Variants in PCDHGA4 observed in about 807,000 individuals in gnomAD.
The protein encoded by PCDHGA4 is protocadherin gamma-A4.
PCDHGA4 carries 38 observed loss-of-function variants against 54.6 expected under a neutral mutation model. That is an observed-to-expected ratio of 0.70 (90% confidence interval 0.54 to 0.91). The LOEUF is 0.91. Among genes scored for constraint, PCDHGA4 ranks in the 40% least tolerant of loss-of-function variants. PCDHGA4 has a pLI of 0.00. For synonymous variants in PCDHGA4, 511 were observed against 512.9 expected, an observed-to-expected ratio of 1.00 and a Z score of 0.05; for missense variants, 1,298 against 1,220.9, an observed-to-expected ratio of 1.06 and a Z score of -0.94.
chr5:141,491,316 T>C lies in PCDHGA4; in HGVS notation c.2515-3491T>C. The C allele has an allele frequency of 3.1e-6, 5 of 1,614,176 alleles. No homozygotes were observed. The highest frequency in any genetic ancestry group is 3.4e-6 in the Non-Finnish European group (4 of 1,180,004). ...CTCCTGAGCGTTCAGACCTTACCCT[T>C]TACCTCATTGTGGCTCTAGCGACCG... is the stretch of plus-strand genomic sequence containing the variant. On this transcript the variant is annotated intron_variant, in intron 1 of 3. Coordinates refer to ENST00000571252, the MANE Select transcript of PCDHGA4 (RefSeq NM_018917.4). The surrounding 1 kb of genome is among the most constrained non-coding windows in gnomAD (Gnocchi z 6.9).
intron 1 of PCDHGA4, among the ~76,000 whole-genome samples, chr5:141,358,994 G>A (rs1588537636): frequency 6.6e-6 from 1 of 152,222 alleles, no homozygotes; most frequent in Admixed American, 6.5e-5. Context: ...GAATGCATAT[G>A]CTTACACAAA....
intron 1 of PCDHGA4, among the ~76,000 whole-genome samples, chr5:141,474,747 A>AGACAAATAT (rs1447050692): frequency 6.6e-6 from 1 of 152,264 alleles, no homozygotes; most frequent in African/African-American, 2.4e-5. Context: ...GTGATGTCCA[A>AGACAAATAT]GACAAATATA....
chr5:141,393,206 A>G (rs774279389), intron 1 of PCDHGA4: 2 of 1,613,588 alleles, frequency 1.2e-6, no homozygotes, highest in Non-Finnish European at 1.7e-6. Flanking sequence ...ATAATAACCC[A>G]AAATTCCAGG....
chr5:141,469,704 C>T (rs1038504640), intron 1 of PCDHGA4, among the ~76,000 whole-genome samples: 9 of 152,340 alleles, frequency 5.9e-5, no homozygotes, highest in African/African-American at 1.9e-4. Flanking sequence ...ACCTAGTAAT[C>T]ACACTATTAG....
chr5:141,362,447 C>G (rs769703158), intron 1 of PCDHGA4: 1 of 1,614,048 alleles, frequency 6.2e-7, no homozygotes, highest in Non-Finnish European at 8.5e-7. Flanking sequence ...CTGAACATAA[C>G]CCCGGAATTG....
chr5:141,464,483 C>G (rs192469583), intron 1 of PCDHGA4, among the ~76,000 whole-genome samples: 32 of 151,368 alleles, frequency 2.1e-4, no homozygotes, highest in African/African-American at 7.3e-4. Flanking sequence ...ATAATAAATT[C>G]CTAATAGTGT....
intron 1 of PCDHGA4, chr5:141,383,837 C>G: frequency 6.2e-7 from 1 of 1,613,886 alleles, no homozygotes; most frequent in Non-Finnish European, 8.5e-7. Flanking sequence ...GAAGAAACTG[C>G]CTTCTATGAA....
At chr5:141,468,995 T>G (rs533843461) in intron 1 of PCDHGA4, among the ~76,000 whole-genome samples, 1 of 147,628 alleles carries the variant, frequency 6.8e-6, no homozygotes, top group Non-Finnish European at 1.5e-5. Context: ...TTATTGTTTT[T>G]GCTGGGTGCG....
At chr5:141,385,018 T>TTCGTCC in intron 1 of PCDHGA4, 1 of 1,614,144 alleles carries the variant, frequency 6.2e-7, no homozygotes, top group Non-Finnish European at 8.5e-7. Flanking sequence ...CTTCCTAGCC[T>TTCGTCC]TCGTCCTCGT....
intron 1 of PCDHGA4, chr5:141,375,571 C>A (rs760580799): frequency 2.5e-6 from 4 of 1,613,962 alleles, no homozygotes; most frequent in Non-Finnish European, 3.4e-6. Context: ...AAGACACCCT[C>A]CAGGGGGCGC....
rs187177915 is a variant in PCDHGA4 at position 141,472,338 on chromosome 5, G to A, written c.2515-22469G>A. ...AGGCAGATCACGAGGTTGGGAGATC[G>A]AGACCATCCTGGCTAACACGGTGAA... On this transcript the variant is annotated intron_variant, in intron 1 of 3. Transcript: ENST00000571252. Among the ~76,000 whole-genome samples, 23 of 151,526 alleles carry A rather than the reference G, an allele frequency of 1.5e-4. No homozygotes were observed. The East Asian group carries it at 3.2e-3, about 21-fold the overall frequency.
intron 1 of PCDHGA4, chr5:141,419,426 G>C: frequency 6.2e-7 from 1 of 1,613,312 alleles, no homozygotes; most frequent in Non-Finnish European, 8.5e-7. Flanking sequence ...CTTCGACCAC[G>C]AGCAGCTGCG....
In PCDHGA4 at chr5:141,399,480, G is replaced by T. The variant is rs760135566; in HGVS notation, c.2514+41859G>T. ...ATAACGCTCCGGTTTTCCACCAGGC[G>T]TCCTACTTAGTCAGTGTACCCGAAA... On this transcript the variant is annotated intron_variant, in intron 1 of 3. Coordinates refer to ENST00000571252, the MANE Select transcript of PCDHGA4 (RefSeq NM_018917.4). The T allele has an allele frequency of 1.9e-5, 31 of 1,613,886 alleles. No homozygotes were observed. In the South Asian group the frequency reaches 3.2e-4, roughly 17 times the overall value.
intron 1 of PCDHGA4, chr5:141,360,416 A>G: frequency 6.2e-7 from 1 of 1,614,014 alleles, no homozygotes; most frequent in Non-Finnish European, 8.5e-7. Context: ...GACCGAGAAC[A>G]GATATGCGGG....
chr5:141,428,114 C>T (rs2097111703), intron 1 of PCDHGA4: 1 of 1,607,084 alleles, frequency 6.2e-7, no homozygotes, highest in Admixed American at 1.7e-5. Context: ...TGCAGGCCAT[C>T]GAGCCCGGGC....
rs2097438776 is a variant in PCDHGA4 at position 141,432,018 on chromosome 5, T to C, written c.2515-62789T>C. Reference sequence around the variant, plus strand: ...AGGGAACAGGTTCCTAGCTACAACATCACAGTGACCGCCACTGACCGGGGA... The same window carrying C: ...AGGGAACAGGTTCCTAGCTACAACACCACAGTGACCGCCACTGACCGGGGA... On this transcript the variant is annotated intron_variant, in intron 1 of 3. Transcript: ENST00000571252. This position sits in a 1 kb window ranked among gnomAD's most constrained non-coding sequence, Gnocchi z 6.0. 1.9e-6 allele frequency: 3 copies of C among 1,614,048 alleles called. No homozygotes were observed. In the South Asian group the frequency reaches 3.3e-5, roughly 18 times the overall value.
intron 1 of PCDHGA4, chr5:141,419,822 T>A: frequency 6.2e-7 from 1 of 1,614,058 alleles, no homozygotes; most frequent in Non-Finnish European, 8.5e-7. Flanking sequence ...GCCACCCCTT[T>A]CAGCCACTGC....
At chr5:141,452,673 G>A (rs2098746812) in intron 1 of PCDHGA4, among the ~76,000 whole-genome samples, 1 of 151,896 alleles carries the variant, frequency 6.6e-6, no homozygotes, top group Non-Finnish European at 1.5e-5. Flanking sequence ...CTCCAGCCTA[G>A]GCCACAGAAT....
chr5:141,400,120 C>G, intron 1 of PCDHGA4: 1 of 1,614,076 alleles, frequency 6.2e-7, no homozygotes, highest in Non-Finnish European at 8.5e-7. Context: ...TGACAGCTTG[C>G]AGGAGGTGCT....
Sources: allele counts gnomAD v4.1 joint callset (sites outside exome capture counted in the v4.1 genomes callset), GRCh38; gene constraint gnomAD v4.1.1; non-coding constraint Gnocchi (gnomAD v3.1); transcripts MANE v1.5; gene names NCBI Gene and HGNC (gene_info 2026-07-23, HGNC 2026-07-21).